Variants in PCNP observed in about 807,000 individuals in gnomAD.
PCNP encodes the protein PEST proteolytic signal-containing nuclear protein.
A neutral mutation model predicts 21.8 loss-of-function variants in PCNP; 6 were observed. The ratio of observed to expected loss-of-function variants is 0.28; its 90% confidence interval spans 0.15 to 0.54. The LOEUF (loss-of-function observed/expected upper bound fraction) is 0.54, where lower values mean the gene tolerates loss of function less well. PCNP is among the 20% of genes least tolerant of loss of function. The pLI is 0.95. For synonymous variants in PCNP, 67 were observed against 73.2 expected (o/e 0.92, Z 0.43); for missense variants, 161 against 215.5 (o/e 0.75, Z 1.58).
chr3:101,578,165 C>G (rs774553694), intron 1 of PCNP, among the ~76,000 whole-genome samples: 95 of 152,020 alleles, frequency 6.2e-4, no homozygotes, highest in Non-Finnish European at 1.5e-4. Context: ...TTTCTCTGTT[C>G]CATTGTGTAG....
Position 101,592,970 on chromosome 3 carries a change from A to G in PCNP, c.*217A>G, listed in dbSNP as rs1935895135. ...AGACATTTGCTAATTTTGTAGTTTC[A>G]TGTGATTAGTTTCCAAAGGTTACAG... On this transcript the variant is annotated 3_prime_UTR_variant, in exon 5 of 5. Transcript: ENST00000265260. The G allele has an allele frequency of 3.0e-6, 1 of 333,630 alleles. No homozygotes were observed. 20.7% of individuals were successfully genotyped at this position (333,630 alleles called of 1,614,324 possible).
chr3:101,586,170 C>CAAA lies in PCNP; in HGVS notation c.354+684_354+686dup, dbSNP rs10529220. ...TGGGCAACAGAGCTAGTCTCTGTCTCAAAAAAAAAAAAAAAAAAAAAAAAA... is the reference window on the plus strand; with the variant it reads ...TGGGCAACAGAGCTAGTCTCTGTCTCAAAAAAAAAAAAAAAAAAAAAAAAAAAA... On this transcript the variant is annotated intron_variant, in intron 3 of 4. Coordinates refer to ENST00000265260, the MANE Select transcript of PCNP (RefSeq NM_020357.3). 1.2e-3 allele frequency among the ~76,000 whole-genome samples: 114 copies of CAAA among 97,534 alleles called. 2 individuals carry two copies. Among genetic ancestry groups the CAAA allele is most frequent in the East Asian group, 4.6e-3 (15 of 3,236 alleles). The allele number at this position is 97,534 out of a possible 152,430, so 64.0% of individuals were successfully genotyped here. A position where few individuals can be genotyped will look rare whatever the true frequency, so the allele number is the denominator to read the frequency against.
intron 4 of PCNP, among the ~76,000 whole-genome samples, chr3:101,592,380 G>A (rs897659305): frequency 6.6e-6 from 1 of 151,916 alleles, no homozygotes; most frequent in Admixed American, 6.6e-5. Context: ...CACTGTGTTG[G>A]CCAGGCTGGT....
At chr3:101,583,310 T>C (rs1019465174) in intron 2 of PCNP, among the ~76,000 whole-genome samples, 2 of 151,870 alleles carry the variant, frequency 1.3e-5, no homozygotes, top group Non-Finnish European at 2.9e-5. Context: ...TACAAAAAAT[T>C]AGCCATGGTG....
rs1935912722 is a variant in PCNP, at chr3:101,593,369, A to T, written c.*616A>T. 6.6e-6 allele frequency: 1 copy of T among 152,614 alleles called. No individual in the cohort carries two copies. Among genetic ancestry groups the T allele is most frequent in the Admixed American group, 6.5e-5 (1 of 15,272 alleles). 9.5% of individuals were successfully genotyped at this position (152,614 alleles called of 1,614,324 possible). Reference sequence around the variant, plus strand: ...TTATGTAAACTGTTGAATATTTGAAATAGTCCACTTCACCTTAATGGGTCT... The same window carrying T: ...TTATGTAAACTGTTGAATATTTGAATTAGTCCACTTCACCTTAATGGGTCT... On this transcript the variant is annotated 3_prime_UTR_variant, in exon 5 of 5. Transcript: ENST00000265260.
intron 2 of PCNP, among the ~76,000 whole-genome samples, 156 bp from the exon 3 acceptor site, chr3:101,585,281 A>G (rs1935437169): frequency 6.6e-6 from 1 of 152,248 alleles, no homozygotes; most frequent in Non-Finnish European, 1.5e-5. Context: ...CATTTTTGAA[A>G]AGAGAGAATG....
In PCNP at chr3:101,594,339, C is replaced by T. The variant is rs1335339228; in HGVS notation, c.*1586C>T. ...ACATACCTCTCCTACGTATTATTTT[C>T]TTGACCCAAATGAAATATTAACCTA... On this transcript the variant is annotated 3_prime_UTR_variant, in exon 5 of 5. Transcript: ENST00000265260. 6.6e-6 allele frequency: 1 copy of T among 152,538 alleles called. No homozygotes were observed. The highest frequency in any genetic ancestry group is 6.6e-5 in the Admixed American group (1 of 15,264). The allele number at this position is 152,538 out of a possible 1,614,324, so 9.4% of individuals were successfully genotyped here. A position where few individuals can be genotyped will look rare whatever the true frequency, so the allele number is the denominator to read the frequency against.
At chr3:101,580,718 T>C (rs1236081464) in intron 2 of PCNP, among the ~76,000 whole-genome samples, 2 of 152,208 alleles carry the variant, frequency 1.3e-5, no homozygotes, top group Non-Finnish European at 2.9e-5. Flanking sequence ...TTAATACTTA[T>C]TAACCATGGA....
In PCNP at chr3:101,592,749, A is replaced by G. The variant is rs1935879575; in HGVS notation, c.533A>G (p.Asn178Ser). ...CTTGGAAATGTCCATGACCAAGACA[A>G]TTAAATGATGTTTTGAAATTGGGGT... ...SHLGNVHDQD[N>S] The change falls in exon 5 of 5, where the codon AAT becomes AGT. Residue 178 changes from asparagine (N) to serine (S), a missense_variant. Around this residue, in one of 4 missense-constraint regions of PCNP, gnomAD observed 66 missense variants for 127.8 expected, o/e 0.52. Transcript: ENST00000265260. 5 of 1,611,374 alleles carry G rather than the reference A, an allele frequency of 3.1e-6. No individual in the cohort carries two copies. Among genetic ancestry groups the G allele is most frequent in the Non-Finnish European group, 3.4e-6 (4 of 1,178,956 alleles).
Position 101,579,981 on chromosome 3 carries a change from A to G in PCNP, c.256A>G (p.Ile86Val). 6.2e-7 allele frequency: 1 copy of G among 1,613,546 alleles called. No homozygotes were observed. Among genetic ancestry groups the G allele is most frequent in the Non-Finnish European group, 8.5e-7 (1 of 1,179,414 alleles). The change falls in exon 2 of 5, where the codon ATA becomes GTA. Residue 86 changes from isoleucine to valine, a missense_variant. Physicochemically the swap from Ile to Val is conservative, Grantham distance 29. This residue lies in a region of PCNP where 66 missense variants were observed against 127.8 expected (regional missense o/e 0.52). Transcript: ENST00000265260. ...TCAGACGACAAAGAAAGCATCAGCCATATCCATCAAACTTGGATCAAGTGT... is the reference window on the plus strand; with the variant it reads ...TCAGACGACAAAGAAAGCATCAGCCGTATCCATCAAACTTGGATCAAGTGT... Reference protein sequence around the residue: ...GSQTTKKASAISIKLGSSKPK... With the variant: ...GSQTTKKASAVSIKLGSSKPK...
intron 1 of PCNP, among the ~76,000 whole-genome samples, chr3:101,575,472 C>G (rs892633771): frequency 2.0e-5 from 3 of 150,958 alleles, no homozygotes; most frequent in African/African-American, 4.9e-5. Context: ...CCTCCCCACC[C>G]CCTGTCTTTT....
At position 101,592,764 on chromosome 3, in the gene PCNP, G is replaced by A; in HGVS notation, c.*11G>A. 6.2e-7 allele frequency: 1 copy of A among 1,610,876 alleles called. No individual in the cohort carries two copies. Among genetic ancestry groups the A allele is most frequent in the Non-Finnish European group, 8.5e-7 (1 of 1,178,476 alleles). ...GACCAAGACAATTAAATGATGTTTT[G>A]AAATTGGGGTGTGGGGTGGGTGTAA... On this transcript the variant is annotated 3_prime_UTR_variant, in exon 5 of 5. Transcript: ENST00000265260.
chr3:101,593,885 C>CAT lies in PCNP; in HGVS notation c.*1136_*1137dup, dbSNP rs1421671794. On this transcript the variant is annotated 3_prime_UTR_variant, in exon 5 of 5. Coordinates refer to ENST00000265260, the MANE Select transcript of PCNP (RefSeq NM_020357.3). ...TCAAACATTTTTTGGAATCTCACCA[C>CAT]ATATACTTTGTTAGATTTGTGTATT... is the stretch of plus-strand genomic sequence containing the variant. 6.6e-6 allele frequency: 1 copy of CAT among 152,610 alleles called. No individual in the cohort carries two copies. Among genetic ancestry groups the CAT allele is most frequent in the Non-Finnish European group, 1.5e-5 (1 of 68,026 alleles). The allele number at this position is 152,610 out of a possible 1,614,324, so 9.5% of individuals were successfully genotyped here. A position where few individuals can be genotyped will look rare whatever the true frequency, so the allele number is the denominator to read the frequency against.
At chr3:101,577,516 A>G (rs1429798823) in intron 1 of PCNP, among the ~76,000 whole-genome samples, 2 of 152,156 alleles carry the variant, frequency 1.3e-5, no homozygotes, top group African/African-American at 2.4e-5. Flanking sequence ...AAACTTTCTT[A>G]TTAGGTAGTT....
rs114417729 is a variant in PCNP at position 101,575,498 on chromosome 3, A to G, written c.64+1219A>G. Among the ~76,000 whole-genome samples the G allele has an allele frequency of 2.9e-3, 436 of 150,120 alleles. 2 individuals carry two copies. The highest frequency in any genetic ancestry group is 0.01 in the African/African-American group (421 of 40,914). Reference sequence around the variant, plus strand: ...CCTGTCTTTTTTTTTTTTTATAACTAGTAAAATACCTTATGAAAGAACAAT... The same window carrying G: ...CCTGTCTTTTTTTTTTTTTATAACTGGTAAAATACCTTATGAAAGAACAAT... On this transcript the variant is annotated intron_variant, in intron 1 of 4. Coordinates refer to ENST00000265260, the MANE Select transcript of PCNP (RefSeq NM_020357.3).
At chr3:101,581,679 C>G (rs1935228523) in intron 2 of PCNP, among the ~76,000 whole-genome samples, 1 of 152,018 alleles carries the variant, frequency 6.6e-6, no homozygotes, top group Non-Finnish European at 1.5e-5. Flanking sequence ...GGTGATCTGT[C>G]CACCTCAGCC....
chr3:101,576,112 A>G (rs1934865324), intron 1 of PCNP, among the ~76,000 whole-genome samples: 1 of 152,328 alleles, frequency 6.6e-6, no homozygotes, highest in East Asian at 1.9e-4. Flanking sequence ...ATTTTGTGGC[A>G]GATAGTCACT....
chr3:101,580,498 T>A (rs902384984), intron 2 of PCNP, among the ~76,000 whole-genome samples: 1 of 152,172 alleles, frequency 6.6e-6, no homozygotes, highest in African/African-American at 2.4e-5. Context: ...GTTTTTTTTT[T>A]ATCTTTCAGT....
At chr3:101,588,880 G>A (rs1257503019) in intron 3 of PCNP, among the ~76,000 whole-genome samples, 2 of 152,204 alleles carry the variant, frequency 1.3e-5, no homozygotes, top group African/African-American at 4.8e-5. Context: ...CTAAAAGAGT[G>A]TTAACTTTGA....
Sources: gnomAD v4.1 joint callset for allele counts (sites outside exome capture counted in the v4.1 genomes callset) on GRCh38, gnomAD v4.1.1 for gene constraint, gnomAD v4.1.1 regional missense constraint, MANE v1.5 for transcripts, NCBI Gene and HGNC (gene_info 2026-07-23, HGNC 2026-07-21) for gene names.